Variants in FAM200A observed in about 807,000 individuals in gnomAD.
FAM200A encodes protein FAM200A.
In FAM200A, 26 loss-of-function variants were observed where a neutral mutation model predicts 44.2. That is an observed-to-expected ratio of 0.59 (90% confidence interval 0.43 to 0.82). The LOEUF (loss-of-function observed/expected upper bound fraction) is 0.82. Among genes scored for constraint, FAM200A ranks in the 40% least tolerant of loss-of-function variants. The pLI, the probability that FAM200A is intolerant of heterozygous loss-of-function variation, is 0.00. For synonymous variants in FAM200A, 206 were observed against 244.4 expected (o/e 0.84, Z 1.47); for missense variants, 606 against 669.5 (o/e 0.91, Z 1.05).
chr7:99,551,669 C>A (rs553632171), intron 1 of FAM200A, among the ~76,000 whole-genome samples, 185 bp downstream of exon 1: 109 of 152,314 alleles, frequency 7.2e-4, no homozygotes, highest in Non-Finnish European at 1.4e-3. Flanking sequence ...ACCAGAAAAG[C>A]CCCCACCACA....
chr7:99,553,091 ATATATATATTTT>A (rs1163183884), upstream of FAM200A, among the ~76,000 whole-genome samples: 8 of 96,944 alleles, frequency 8.3e-5, no homozygotes, highest in South Asian at 3.5e-4. Flanking sequence ...ATATATATAT[ATATATATATTTT>A]TTTTTTTTTT....
chr7:99,557,206 TA>T (rs1196315628), intron 1 of FAM200A, among the ~76,000 whole-genome samples: 2 of 152,218 alleles, frequency 1.3e-5, no homozygotes, highest in Admixed American at 1.3e-4. Flanking sequence ...GTGGCCTCTT[TA>T]AGTGGGTACC....
chr7:99,558,091 A>G (rs1355793032), intron 1 of FAM200A, among the ~76,000 whole-genome samples: 1 of 151,894 alleles, frequency 6.6e-6, no homozygotes, highest in Admixed American at 6.6e-5. Context: ...TTCTATTCCA[A>G]TCTGCTCATC....
At chr7:99,554,478 CAAAA>C (rs397889799), upstream of FAM200A, among the ~76,000 whole-genome samples, 5 of 52,184 alleles carry the variant, frequency 9.6e-5, no homozygotes, top group Non-Finnish European at 1.6e-4. Flanking sequence ...GACTCCGTCT[CAAAA>C]AAAAAAAAAA....
upstream of FAM200A, among the ~76,000 whole-genome samples, chr7:99,553,100 T>TATATATATATATATATATATA (rs1491325197): frequency 3.5e-5 from 2 of 57,222 alleles, no homozygotes; most frequent in African/African-American, 2.3e-4. Flanking sequence ...TATATATATA[T>TATATATATATATATATATATA]TTTTTTTTTT....
chr7:99,552,006 C>T lies in FAM200A; in HGVS notation c.-252G>A. Reference sequence around the variant, plus strand: ...CCATGCACGTCCAACTCTGTCCCCGCCCGGAGAAGTCTGGGATGCTGGGAT... The same window carrying T: ...CCATGCACGTCCAACTCTGTCCCCGTCCGGAGAAGTCTGGGATGCTGGGAT... On this transcript the variant is annotated 5_prime_UTR_variant, in exon 1 of 2. Transcript: ENST00000449309. The T allele has an allele frequency of 1.0e-6, 1 of 985,568 alleles. No homozygotes were observed. The highest frequency in any genetic ancestry group is 1.2e-6 in the Non-Finnish European group (1 of 830,050). The allele number at this position is 985,568 out of a possible 1,614,324, so 61.1% of individuals were successfully genotyped here.
In FAM200A at chr7:99,547,324, G is replaced by A. The variant is rs1802412251; in HGVS notation, c.1084C>T (p.Gln362Ter). The A allele has an allele frequency of 6.5e-7, 1 of 1,549,854 alleles. No homozygotes were observed. The highest frequency in any genetic ancestry group is 8.7e-7 in the Non-Finnish European group (1 of 1,146,372). The change falls in exon 2 of 2, where the codon CAG becomes TAG. Residue 362 changes from glutamine to a stop codon, truncating the protein, a stop_gained. Transcript: ENST00000449309. LOFTEE classifies it high-confidence loss of function. ...TGAAATATATCATTGTTTTTCCCCT[G>A]CATTTTCAGGCTTAATTCATTAAGA... The part of the protein sequence containing the change: ...GILNELSLKM[Q>*]GKNNDIFQYL...
At chr7:99,550,720 C>T (rs1001830541) in intron 1 of FAM200A, among the ~76,000 whole-genome samples, 2 of 152,126 alleles carry the variant, frequency 1.3e-5, no homozygotes, top group Non-Finnish European at 2.9e-5. Context: ...CTTTATCCCT[C>T]GATGTCAAGC....
At chr7:99,553,091 ATATATATATTTTTTT>A (rs1158742832), upstream of FAM200A, among the ~76,000 whole-genome samples, 354 of 96,916 alleles carry the variant, frequency 3.7e-3, 4 homozygotes, top group African/African-American at 0.019. Context: ...ATATATATAT[ATATATATATTTTTTT>A]TTTTTTTTTT....
chr7:99,548,254 G>A lies in FAM200A; in HGVS notation c.154C>T (p.Arg52Cys), dbSNP rs147154789. 199 of 1,613,210 alleles carry A rather than the reference G, an allele frequency of 1.2e-4. No individual in the cohort carries two copies. The African/African-American group carries it at 1.8e-3, about 14-fold the overall frequency. ...GCTCTCTCATTCATAGTTGTAGAGC[G>A]ACTGAGAACTTGTGGCGATGACTCT... ...KVESSPQVLSRSTTMNERALL... is the reference protein window; with the variant it reads ...KVESSPQVLSCSTTMNERALL... The change falls in exon 2 of 2, where the codon CGC (arginine) becomes TGC (cysteine). Residue 52 changes from arginine (R) to cysteine (C), a missense_variant. Transcript: ENST00000449309.
chr7:99,553,449 A>G (rs1329627711), upstream of FAM200A, among the ~76,000 whole-genome samples: 2 of 152,144 alleles, frequency 1.3e-5, no homozygotes, highest in African/African-American at 4.8e-5. Context: ...AGGCATCTCT[A>G]TAACGACTCC....
rs2151128366 is a variant in FAM200A at position 99,547,417 on chromosome 7, A to G, written c.991T>C (p.Leu331=). The G allele has an allele frequency of 6.4e-7, 1 of 1,551,440 alleles. No individual in the cohort carries two copies. Among genetic ancestry groups the G allele is most frequent in the African/African-American group, 1.4e-5 (1 of 73,174 alleles). The change falls in exon 2 of 2, where the codon TTG becomes CTG. Residue 331 remains leucine, a synonymous_variant. Coordinates refer to ENST00000449309, the MANE Select transcript of FAM200A (RefSeq NM_145111.4). ...ATGTCGTCTTCAAAAATATTTGCCA[A>G]ATGAGATTGCTTTTCAACGAGAAAA... The part of the protein sequence containing the change: ...YIFLVEKQSH[L]ANIFEDDIWV...
chr7:99,555,195 C>T (rs1354129479), upstream of FAM200A, among the ~76,000 whole-genome samples: 2 of 152,040 alleles, frequency 1.3e-5, no homozygotes, highest in African/African-American at 4.8e-5. Context: ...GACTGGTATC[C>T]TTATAAAAAA....
rs377386623 is a variant in FAM200A at position 99,551,643 on chromosome 7, T to C, written c.-100+211A>G. On this transcript the variant is annotated intron_variant, in intron 1 of 1. Transcript: ENST00000449309. ...TGTAAGATCGCCAGAATTTTACAAC[T>C]CGGGGTACCCAGGAAACCAGAAAAG... Among the ~76,000 whole-genome samples, 9 of 152,104 alleles carry C rather than the reference T, an allele frequency of 5.9e-5. No individual in the cohort carries two copies. The East Asian group carries it at 7.7e-4, about 13-fold the overall frequency.
upstream of FAM200A, among the ~76,000 whole-genome samples, chr7:99,553,093 ATATATATTTTTTTTT>A (rs1318572588): frequency 8.5e-4 from 77 of 90,490 alleles, 1 homozygote; most frequent in African/African-American, 5.3e-3. Context: ...ATATATATAT[ATATATATTTTTTTTT>A]TTTTTTTTTT....
At chr7:99,550,074 A>C in intron 1 of FAM200A, among the ~76,000 whole-genome samples, 1 of 152,032 alleles carries the variant, frequency 6.6e-6, no homozygotes, top group Non-Finnish European at 1.5e-5. Flanking sequence ...ATAAAAAAAA[A>C]CTTAAAAAAA....
In FAM200A at chr7:99,547,745, G is replaced by A; in HGVS notation, c.663C>T (p.His221=). The A allele has an allele frequency of 1.3e-6, 2 of 1,551,616 alleles. No homozygotes were observed. The highest frequency in any genetic ancestry group is 1.7e-6 in the Non-Finnish European group (2 of 1,146,976). The part of the protein sequence containing the change: ...SDGTANMTGK[H]SRLTEKLLEA... ...CTAACAATTTTTCAGTAAGTCTGCT[G>A]TGTTTTCCGGTCATATTTGCTGTTC... is the stretch of plus-strand genomic sequence containing the variant. The change falls in exon 2 of 2, where the codon CAC becomes CAT. Residue 221 remains histidine (H), a synonymous_variant. Coordinates refer to ENST00000449309, the MANE Select transcript of FAM200A (RefSeq NM_145111.4).
chr7:99,555,970 A>G (rs1211602643), upstream of FAM200A, among the ~76,000 whole-genome samples: 5 of 152,180 alleles, frequency 3.3e-5, no homozygotes, highest in Non-Finnish European at 7.3e-5. Context: ...CATGTGTTGG[A>G]ACAGTTTTCT....
At chr7:99,552,972 C>CATATATAT (rs1328337099), upstream of FAM200A, among the ~76,000 whole-genome samples, 1 of 143,478 alleles carries the variant, frequency 7.0e-6, no homozygotes, top group African/African-American at 2.6e-5. Flanking sequence ...ATCTTTGCTC[C>CATATATAT]ATATATATAT....
Sources: gnomAD v4.1 joint callset for allele counts (sites outside exome capture counted in the v4.1 genomes callset) on GRCh38, gnomAD v4.1.1 for gene constraint, MANE v1.5 for transcripts, NCBI Gene and HGNC (gene_info 2026-07-23, HGNC 2026-07-21) for gene names.